LAMA2: variants seen among roughly 807,000 people sequenced by gnomAD.
LAMA2 encodes laminin subunit alpha 2.
Under a neutral mutation model 364.8 loss-of-function variants are expected in LAMA2, and 269 were observed. The ratio of observed to expected loss-of-function variants is 0.74; its 90% CI spans 0.67 to 0.82. The LOEUF is 0.82. Among genes scored for constraint, LAMA2 ranks in the 40% least tolerant of loss-of-function variants. The pLI, the probability that LAMA2 is intolerant of heterozygous loss-of-function variation, is 0.00. For synonymous variants in LAMA2, 1,379 were observed against 1,370.6 expected (o/e 1.01, Z -0.14); for missense variants, 3,807 against 3,873.2 (o/e 0.98, Z 0.45).
Position 128,929,688 on chromosome 6 carries a change from A to G in LAMA2, c.112+46331A>G. The G allele has an allele frequency of 5.0e-6, 7 of 1,406,788 alleles. No individual in the cohort carries two copies. The South Asian group carries it at 6.9e-5, about 14-fold the overall frequency. The allele number at this position is 1,406,788 out of a possible 1,614,324, so 87.1% of individuals were successfully genotyped here. A position where few individuals can be genotyped will look rare whatever the true frequency, so the allele number is the denominator to read the frequency against. ...CACTGAAGCCAACGCCAAGAAATCA[A>G]GGGCAATCACCCGATGAAACCTCAA... On this transcript the variant is annotated intron_variant, in intron 1 of 64. Coordinates refer to ENST00000421865, the MANE Select transcript of LAMA2 (RefSeq NM_000426.4).
At chr6:129,434,144 A>G (rs1781729834) in intron 41 of LAMA2, among the ~76,000 whole-genome samples, 1 of 152,208 alleles carries the variant, frequency 6.6e-6, no homozygotes, top group South Asian at 2.1e-4. Flanking sequence ...TGTCAGAAAC[A>G]TGATAAACAA....
chr6:129,157,177 A>G (rs1159649828), intron 8 of LAMA2, among the ~76,000 whole-genome samples: 1 of 152,200 alleles, frequency 6.6e-6, no homozygotes, highest in Non-Finnish European at 1.5e-5. Flanking sequence ...TAAGGCTTTC[A>G]CAGAAAGCAC....
At position 129,507,472 on chromosome 6, in the gene LAMA2, C is replaced by G; in HGVS notation, c.8704-17C>G. 1 of 1,613,900 alleles carries G rather than the reference C, an allele frequency of 6.2e-7. No homozygotes were observed. On this transcript the variant is annotated splice_polypyrimidine_tract_variant and intron_variant, in intron 61 of 64. Coordinates refer to ENST00000421865, the MANE Select transcript of LAMA2 (RefSeq NM_000426.4). Reference sequence around the variant, plus strand: ...TGCTAAAACCTGACATTTGTTTCTTCTGATCTGAATGTTTAGGTGACCTAT... The same window carrying G: ...TGCTAAAACCTGACATTTGTTTCTTGTGATCTGAATGTTTAGGTGACCTAT...
chr6:129,385,363 G>A (rs1778955983), intron 35 of LAMA2, among the ~76,000 whole-genome samples: 1 of 150,820 alleles, frequency 6.6e-6, no homozygotes, highest in Non-Finnish European at 1.5e-5. Context: ...GGGACGGAAG[G>A]AAGGACTCAC....
chr6:129,380,876 G>A (rs1187535193), intron 34 of LAMA2, among the ~76,000 whole-genome samples: 4 of 152,170 alleles, frequency 2.6e-5, no homozygotes, highest in Non-Finnish European at 5.9e-5. Context: ...GCATGTGAAT[G>A]ATGACTCTTA....
intron 1 of LAMA2, among the ~76,000 whole-genome samples, chr6:128,931,034 C>CA (rs543445373): frequency 1.5e-3 from 218 of 148,212 alleles, no homozygotes; most frequent in African/African-American, 3.9e-3. Flanking sequence ...TGGATCTCTG[C>CA]AAAAAAAAAG....
At chr6:129,048,476 CTTTCTTTCTTTCTTTCT>C (rs1787709427) in intron 1 of LAMA2, among the ~76,000 whole-genome samples, 31 of 63,252 alleles carry the variant, frequency 4.9e-4, no homozygotes, top group African/African-American at 1.1e-3. Flanking sequence ...TTCTTTCTTT[CTTTCTTTCTTTCTTTCT>C]TTCCTTCCTT....
At position 129,051,303 on chromosome 6, in the gene LAMA2, T is replaced by A. The variant is rs933669686; in HGVS notation, c.283+1215T>A. Among the ~76,000 whole-genome samples, 6 of 148,482 alleles carry A rather than the reference T, an allele frequency of 4.0e-5. No individual in the cohort carries two copies. In the South Asian group the frequency reaches 1.3e-3, roughly 31 times the overall value. On this transcript the variant is annotated intron_variant, in intron 2 of 64. Transcript: ENST00000421865. The stretch of plus-strand genomic sequence containing the variant: ...ATTTATATTATTTTTAATGAACAGA[T>A]ATATTATTTTATTTTTATTTTGTTT...
intron 9 of LAMA2, among the ~76,000 whole-genome samples, chr6:129,168,651 C>A (rs1382444114): frequency 1.4e-5 from 2 of 144,722 alleles, no homozygotes; most frequent in Non-Finnish European, 3.0e-5. Flanking sequence ...GATGCGGGCT[C>A]TTTTTTGGTT....
chr6:129,199,702 A>G (rs528006656), intron 12 of LAMA2, among the ~76,000 whole-genome samples: 1 of 152,274 alleles, frequency 6.6e-6, no homozygotes, highest in East Asian at 1.9e-4. Flanking sequence ...AAAAATTTTT[A>G]AGAGGCCATG....
At chr6:129,322,008 G>A (rs943616775) in intron 28 of LAMA2, among the ~76,000 whole-genome samples, 3 of 152,268 alleles carry the variant, frequency 2.0e-5, no homozygotes, top group Admixed American at 6.5e-5. Flanking sequence ...AAATGGAAAC[G>A]TATGTGTGAA....
chr6:129,060,878 C>A (rs1214792911), intron 3 of LAMA2, among the ~76,000 whole-genome samples: 1 of 152,188 alleles, frequency 6.6e-6, no homozygotes, highest in African/African-American at 2.4e-5. Flanking sequence ...GTAGACCTGC[C>A]TTCCACCCAT....
chr6:128,963,490 C>G (rs1781658203), intron 1 of LAMA2, among the ~76,000 whole-genome samples: 1 of 151,592 alleles, frequency 6.6e-6, no homozygotes, highest in Non-Finnish European at 1.5e-5. Context: ...ATCTTTAGGC[C>G]CTAAATTATG....
intron 13 of LAMA2, among the ~76,000 whole-genome samples, chr6:129,251,076 C>CTCTCTCTATATATATA (rs1491468271): frequency 2.0e-5 from 1 of 49,794 alleles, no homozygotes; most frequent in Non-Finnish European, 3.7e-5. Flanking sequence ...CTCTCTCTCT[C>CTCTCTCTATATATATA]TATATATATA....
chr6:129,441,550 A>G (rs576811990), intron 43 of LAMA2, among the ~76,000 whole-genome samples: 99 of 152,278 alleles, frequency 6.5e-4, no homozygotes, highest in Middle Eastern at 3.4e-3. Context: ...TCTCTTATAT[A>G]TTATATAAAA....
At chr6:129,497,950 C>CTATT (rs780629276) in intron 58 of LAMA2, among the ~76,000 whole-genome samples, 25 of 151,994 alleles carry the variant, frequency 1.6e-4, no homozygotes, top group African/African-American at 4.8e-5. Flanking sequence ...TCTACATGTT[C>CTATT]TATTTGTGGA....
chr6:129,512,043 C>T (rs1252663873), intron 62 of LAMA2, among the ~76,000 whole-genome samples: 1 of 152,108 alleles, frequency 6.6e-6, no homozygotes, highest in African/African-American at 2.4e-5. Context: ...TCAAATAATA[C>T]ATAGTAAACC....
intron 13 of LAMA2, among the ~76,000 whole-genome samples, chr6:129,250,681 A>C (rs1289878392): frequency 6.6e-6 from 1 of 152,146 alleles, no homozygotes; most frequent in Non-Finnish European, 1.5e-5. Context: ...TACAGGAGAA[A>C]CTGCTTTCAA....
intron 1 of LAMA2, among the ~76,000 whole-genome samples, chr6:128,949,578 G>A (rs1018369253): frequency 6.6e-6 from 1 of 152,130 alleles, no homozygotes; most frequent in African/African-American, 2.4e-5. Flanking sequence ...GGAGAGAAGG[G>A]AAGGAAGGAG....
Sources: gnomAD v4.1 joint callset for allele counts (sites outside exome capture counted in the v4.1 genomes callset) on GRCh38, gnomAD v4.1.1 for gene constraint, MANE v1.5 for transcripts, NCBI Gene and HGNC (gene_info 2026-07-23, HGNC 2026-07-21) for gene names.